The following CEP350 variants were observed in gnomAD, a reference collection of about 807,000 sequenced individuals.
CEP350 encodes the protein centrosomal protein 350.
A neutral mutation model predicts 331.8 loss-of-function variants in CEP350; 126 were observed. That is an observed-to-expected ratio of 0.38 (90% CI 0.33 to 0.44). The LOEUF (loss-of-function observed/expected upper bound fraction) is 0.44, where lower values mean the gene tolerates loss of function less well. CEP350 is among the 20% of genes least tolerant of loss of function. The probability of loss-of-function intolerance (pLI) is 1.00; values close to 1 mark genes in which losing one functional copy is unlikely to be tolerated. For missense variants in CEP350, 3,406 were observed against 3,634.6 expected (o/e 0.94, Z 1.62); for synonymous variants, 1,200 against 1,259.5 (o/e 0.95, Z 1.00).
chr1:180,041,862 G>C (rs1656782211), intron 19 of CEP350, 60 bp downstream of exon 19: 2 of 1,476,132 alleles, frequency 1.4e-6, no homozygotes, highest in Non-Finnish European at 1.9e-6. Flanking sequence ...GAGTAACTTT[G>C]ATCTTCAGTA....
chr1:180,020,943 T>A lies in CEP350; in HGVS notation c.3169T>A (p.Leu1057Met). 4.4e-6 allele frequency: 7 copies of A among 1,602,088 alleles called. No homozygotes were observed. Among genetic ancestry groups the A allele is most frequent in the Non-Finnish European group, 5.9e-6 (7 of 1,177,082 alleles). The change falls in exon 12 of 38, where the codon TTG becomes ATG. Residue 1057 changes from leucine (L) to methionine (M), a missense_variant. Leu to Met is a conservative substitution (Grantham distance 15). Transcript: ENST00000367607. ...GTQSKGPWEE[L>M]AKGSPHSVIN... is the part of the protein sequence containing the mutation. ...ACAAAGCAAAGGACCATGGGAAGAA[T>A]TGGCAAAGGGAAGTCCACATAGCGT...
At chr1:180,019,505 T>A (rs186433771) in intron 11 of CEP350, among the ~76,000 whole-genome samples, 7 of 152,344 alleles carry the variant, frequency 4.6e-5, no homozygotes, top group Admixed American at 4.6e-4. Context: ...ATCTATATCA[T>A]GTCTACATTA....
chr1:179,995,637 C>T (rs927680554), intron 5 of CEP350, among the ~76,000 whole-genome samples: 1 of 152,106 alleles, frequency 6.6e-6, no homozygotes, highest in African/African-American at 2.4e-5. Flanking sequence ...TAAAGTAAGG[C>T]TTATTAGAAT....
chr1:180,071,396 T>C (rs1658883529), intron 27 of CEP350, among the ~76,000 whole-genome samples: 1 of 149,840 alleles, frequency 6.7e-6, no homozygotes, highest in African/African-American at 2.5e-5. Flanking sequence ...GAGACGGAGA[T>C]TGTAGTGAGC....
At chr1:180,002,258 G>C (rs1201297323) in intron 6 of CEP350, among the ~76,000 whole-genome samples, 3 of 152,294 alleles carry the variant, frequency 2.0e-5, no homozygotes, top group South Asian at 2.1e-4. Flanking sequence ...TGGATCACTT[G>C]AGGTCAGGAG....
At chr1:180,079,745 A>G (rs564453604) in intron 29 of CEP350, among the ~76,000 whole-genome samples, 1 of 152,312 alleles carries the variant, frequency 6.6e-6, no homozygotes, top group Admixed American at 6.5e-5. Flanking sequence ...TAAATCAATT[A>G]GATTCTACCT....
rs530483138 is a variant in CEP350 at position 180,014,801 on chromosome 1, T to A, written c.2052+296T>A. Among the ~76,000 whole-genome samples the A allele has an allele frequency of 7.4e-4, 113 of 152,342 alleles. 1 individual carries two copies. The highest frequency in any genetic ancestry group is 2.7e-3 in the African/African-American group (111 of 41,586). On this transcript the variant is annotated intron_variant, in intron 10 of 37. Transcript: ENST00000367607. ...GTACTGAACAAGTACAGTTGACCTT[T>A]GAACGATGTGGGGGTTGGGGTGCCA... is the stretch of plus-strand genomic sequence containing the variant.
rs368164878 is a variant in CEP350 at position 180,109,447 on chromosome 1, T to C, written c.9190-1550T>C. 1.8e-4 allele frequency among the ~76,000 whole-genome samples: 28 copies of C among 151,908 alleles called. No homozygotes were observed. The East Asian group carries it at 5.1e-3, about 28-fold the overall frequency. On this transcript the variant is annotated intron_variant, in intron 37 of 37. Transcript: ENST00000367607. The stretch of plus-strand genomic sequence containing the variant: ...TTCTCTGCTTTTTTAAAGATGAAAC[T>C]ATGATCAGGGCAAGCCAGGAGCATG...
chr1:180,031,577 C>T, intron 15 of CEP350, 83 bp downstream of exon 15: 1 of 617,082 alleles, frequency 1.6e-6, no homozygotes, highest in Non-Finnish European at 2.4e-6. Context: ...TGAATTTTAA[C>T]TCAGCAGTCC....
chr1:180,028,500 A>G (rs1655814763), intron 14 of CEP350, among the ~76,000 whole-genome samples: 1 of 152,132 alleles, frequency 6.6e-6, no homozygotes, highest in Non-Finnish European at 1.5e-5. Flanking sequence ...TTGAAATATC[A>G]TGATATAGGT....
Position 180,031,323 on chromosome 1 carries a change from T to C in CEP350, c.3554T>C (p.Leu1185Ser). ...TTATAAGAAATTTACTTTACAGGGTTGGATTCATTCACTGGAAATGTTCAG... is the reference window on the plus strand; with the variant it reads ...TTATAAGAAATTTACTTTACAGGGTCGGATTCATTCACTGGAAATGTTCAG... ...KKGKKEKTEW[L>S]DSFTGNVQNS... is the part of the protein sequence containing the mutation. Residue 1185 changes from leucine (L) to serine (S), a missense_variant, in exon 15 of 38, where the codon TTG becomes TCG. Coordinates refer to ENST00000367607, the MANE Select transcript of CEP350 (RefSeq NM_014810.5). 6.3e-7 allele frequency: 1 copy of C among 1,596,486 alleles called. No individual in the cohort carries two copies. The highest frequency in any genetic ancestry group is 8.6e-7 in the Non-Finnish European group (1 of 1,166,770).
chr1:179,978,548 C>G (rs548386215), intron 1 of CEP350, among the ~76,000 whole-genome samples: 2 of 152,066 alleles, frequency 1.3e-5, no homozygotes, highest in Non-Finnish European at 2.9e-5. Flanking sequence ...CCTTAACCCC[C>G]CTCCCAGCCC....
At chr1:180,016,661 T>G (rs1011087514) in intron 11 of CEP350, among the ~76,000 whole-genome samples, 1 of 11,286 alleles carries the variant, frequency 8.9e-5, no homozygotes, top group African/African-American at 2.3e-4. Context: ...TTGGGTTATG[T>G]TTTTTTTTTT....
At chr1:180,016,112 T>A (rs1654954411) in intron 11 of CEP350, 142 bp downstream of exon 11, 1 of 910,566 alleles carries the variant, frequency 1.1e-6, no homozygotes, top group Non-Finnish European at 1.7e-6. Flanking sequence ...CTTCTGAAAT[T>A]TAGGCATAGT....
At chr1:180,015,193 A>C (rs982895916) in intron 10 of CEP350, among the ~76,000 whole-genome samples, 1 of 151,398 alleles carries the variant, frequency 6.6e-6, no homozygotes, top group East Asian at 1.9e-4. Context: ...GGTGTGCACC[A>C]CCATGCCTAG....
At chr1:179,984,300 A>G (rs1652494775) in intron 1 of CEP350, among the ~76,000 whole-genome samples, 2 of 152,324 alleles carry the variant, frequency 1.3e-5, no homozygotes, top group South Asian at 4.1e-4. Context: ...TCTGTATGTA[A>G]GGAATTTGGG....
chr1:179,987,245 A>G lies in CEP350; in HGVS notation c.79A>G (p.Ile27Val), dbSNP rs368549091. The G allele has an allele frequency of 6.5e-6, 10 of 1,536,830 alleles. No individual in the cohort carries two copies. Among genetic ancestry groups the G allele is most frequent in the African/African-American group, 2.7e-5 (2 of 73,254 alleles). Residue 27 changes from isoleucine to valine, a missense_variant, in exon 3 of 38, where the codon ATA (isoleucine) becomes GTA (valine). Transcript: ENST00000367607. ...AATATCATTTTTTTTCCCAGCAGAT[A>G]TAACCACATCGTGGGATGCACTTTC... is the stretch of plus-strand genomic sequence containing the variant. ...SQSKDTVQAD[I>V]TTSWDALSQT...
chr1:180,111,802 A>G lies in CEP350; in HGVS notation c.*641A>G, dbSNP rs1200657290. The G allele has an allele frequency of 1.3e-5, 2 of 152,460 alleles. No individual in the cohort carries two copies. Among genetic ancestry groups the G allele is most frequent in the Non-Finnish European group, 2.9e-5 (2 of 68,052 alleles). The allele number at this position is 152,460 out of a possible 1,614,324, so 9.4% of individuals were successfully genotyped here. On this transcript the variant is annotated 3_prime_UTR_variant, in exon 38 of 38. Coordinates refer to ENST00000367607, the MANE Select transcript of CEP350 (RefSeq NM_014810.5). ...CATCTAAAGAATTTTAAACCTCTGC[A>G]TTATGTTTAGTGTTCTCTGTGTGGG...
In CEP350 at chr1:180,093,299, G is replaced by C. The variant is rs1201000953; in HGVS notation, c.7194G>C (p.Glu2398Asp). The C allele has an allele frequency of 1.3e-6, 2 of 1,597,728 alleles. No individual in the cohort carries two copies. The highest frequency in any genetic ancestry group is 3.5e-5 in the Admixed American group (2 of 57,122). ...ISAELYKDDF[E>D]VSSLLSLRKD... The stretch of plus-strand genomic sequence containing the variant: ...CTGAATTGTACAAAGATGATTTTGA[G>C]GTGTCATCTTTGCTGTCACTCAGGA... The change falls in exon 34 of 38, where the codon GAG becomes GAC. Residue 2398 changes from glutamate (E) to aspartate (D), a missense_variant. Physicochemically the swap from Glu to Asp is conservative, Grantham distance 45. This residue lies in a region of CEP350 where 1,415 missense variants were observed against 1,512.3 expected (regional missense o/e 0.94). Coordinates refer to ENST00000367607, the MANE Select transcript of CEP350 (RefSeq NM_014810.5).
Sources: allele counts gnomAD v4.1 joint callset (sites outside exome capture counted in the v4.1 genomes callset), GRCh38; gene constraint gnomAD v4.1.1; regional missense constraint gnomAD v4.1.1; transcripts MANE v1.5; gene names NCBI Gene and HGNC (gene_info 2026-07-23, HGNC 2026-07-21).